The following ITGA11 variants were observed in gnomAD, a reference collection of about 807,000 sequenced individuals.
ITGA11 encodes the protein integrin subunit alpha 11.
In ITGA11, 97 loss-of-function variants were observed where a neutral mutation model predicts 141.9. The ratio of observed to expected loss-of-function variants is 0.68; its 90% CI spans 0.58 to 0.81. ITGA11 has a LOEUF of 0.81. Ranked by LOEUF, ITGA11 falls within the 30% of genes least tolerant of loss-of-function variation. The probability of loss-of-function intolerance (pLI) is 0.00; values close to 1 mark genes in which losing one functional copy is unlikely to be tolerated. For missense variants in ITGA11, 1,387 were observed against 1,559.2 expected, an observed-to-expected ratio of 0.89 and a Z score of 1.86; for synonymous variants, 658 against 624.6, an observed-to-expected ratio of 1.05 and a Z score of -0.80.
chr15:68,406,777 A>G (rs1260707500), intron 1 of ITGA11, among the ~76,000 whole-genome samples: 2 of 152,202 alleles, frequency 1.3e-5, no homozygotes, highest in Non-Finnish European at 2.9e-5. Context: ...TGTCTGGGAC[A>G]GTCTCTCCCC....
rs1259269910 is a variant in ITGA11, at chr15:68,428,891, T to C, written c.52+3124A>G. On this transcript the variant is annotated intron_variant, in intron 1 of 29. Transcript: ENST00000315757. Reference sequence around the variant, plus strand: ...ACAAAACAACAACCCTGAGTTCTTATTATGATCAAGAGTTTGGGCCAGGGC... The same window carrying C: ...ACAAAACAACAACCCTGAGTTCTTACTATGATCAAGAGTTTGGGCCAGGGC... 2.0e-5 allele frequency among the ~76,000 whole-genome samples: 3 copies of C among 152,206 alleles called. No individual in the cohort carries two copies. In the East Asian group the frequency reaches 5.8e-4, roughly 29 times the overall value.
chr15:68,411,730 C>T (rs1896775212), intron 1 of ITGA11, among the ~76,000 whole-genome samples: 2 of 152,178 alleles, frequency 1.3e-5, no homozygotes, highest in African/African-American at 2.4e-5. Flanking sequence ...ATTCCTGCCT[C>T]TAAAAGAGGA....
chr15:68,337,627 A>AC (rs1376754195), intron 11 of ITGA11, among the ~76,000 whole-genome samples: 1 of 152,008 alleles, frequency 6.6e-6, no homozygotes, highest in African/African-American at 2.4e-5. Context: ...GCCAAGCTCT[A>AC]CCCTATCAGG....
At chr15:68,309,068 C>G (rs1003505083) in intron 26 of ITGA11, among the ~76,000 whole-genome samples, 2 of 152,248 alleles carry the variant, frequency 1.3e-5, no homozygotes, top group African/African-American at 2.4e-5. Flanking sequence ...CAAGTGACAT[C>G]AAGATCCTGA....
At chr15:68,419,231 T>G (rs1390738592) in intron 1 of ITGA11, among the ~76,000 whole-genome samples, 1 of 152,052 alleles carries the variant, frequency 6.6e-6, no homozygotes, top group East Asian at 1.9e-4. Context: ...GTCTTTTTGG[T>G]TTTCAGTACA....
At chr15:68,313,695 C>G (rs1893470391) in intron 23 of ITGA11, 84 bp downstream of exon 23, 3 of 1,004,210 alleles carry the variant, frequency 3.0e-6, no homozygotes, top group Non-Finnish European at 4.6e-6. Context: ...CTATTAGGGC[C>G]CATCAGAGGA....
At chr15:68,372,577 A>C (rs997413775) in intron 2 of ITGA11, among the ~76,000 whole-genome samples, 1 of 152,214 alleles carries the variant, frequency 6.6e-6, no homozygotes, top group Non-Finnish European at 1.5e-5. Flanking sequence ...GGCAACAGAC[A>C]TTCCAGCCAC....
At chr15:68,346,017 C>T (rs1224878029) in intron 10 of ITGA11, among the ~76,000 whole-genome samples, 3 of 152,072 alleles carry the variant, frequency 2.0e-5, no homozygotes, top group Non-Finnish European at 4.4e-5. Flanking sequence ...GATTCAAATG[C>T]GATCGTTGTC....
chr15:68,431,139 G>T (rs58748900), intron 1 of ITGA11, among the ~76,000 whole-genome samples: 2,300 of 152,352 alleles, frequency 0.015, 56 homozygotes, highest in African/African-American at 0.051. Context: ...GAGCCGGGGA[G>T]CCCGGTGTGG....
chr15:68,329,607 G>A (rs1049586455), intron 15 of ITGA11, among the ~76,000 whole-genome samples: 1 of 152,208 alleles, frequency 6.6e-6, no homozygotes, highest in African/African-American at 2.4e-5. Flanking sequence ...CTTGCTTCCT[G>A]TAGAGAAGTT....
At chr15:68,403,256 A>G (rs757111216) in intron 1 of ITGA11, among the ~76,000 whole-genome samples, 3 of 151,898 alleles carry the variant, frequency 2.0e-5, no homozygotes, top group Non-Finnish European at 4.4e-5. Flanking sequence ...GTCCTGGGGG[A>G]GCCTGATATG....
intron 10 of ITGA11, among the ~76,000 whole-genome samples, chr15:68,342,435 TCAGAAGGTCTGAG>T (rs1894600006): frequency 6.6e-6 from 1 of 152,158 alleles, no homozygotes; most frequent in South Asian, 2.1e-4. Context: ...TTGGCAGCTG[TCAGAAGGTCTGAG>T]GCCACGCTGT....
chr15:68,389,220 C>T (rs1320497121), intron 2 of ITGA11, among the ~76,000 whole-genome samples: 1 of 152,246 alleles, frequency 6.6e-6, no homozygotes, highest in East Asian at 1.9e-4. Context: ...CTCTCTCTCC[C>T]ATGAACACCT....
At chr15:68,417,651 C>T (rs190344801) in intron 1 of ITGA11, among the ~76,000 whole-genome samples, 14 of 152,258 alleles carry the variant, frequency 9.2e-5, no homozygotes, top group South Asian at 2.1e-4. Context: ...CCAGGCCCTG[C>T]GGATTTGCTT....
intron 2 of ITGA11, among the ~76,000 whole-genome samples, chr15:68,397,257 A>T (rs1303066048): frequency 0.5 from 5 of 10 alleles, 2 homozygotes; most frequent in African/African-American, 0.67. Context: ...TATTTTATAA[A>T]ATATTATAAA....
rs547363755 is a variant in ITGA11 at position 68,308,212 on chromosome 15, G to C, written c.3175-516C>G. On this transcript the variant is annotated intron_variant, in intron 26 of 29. Transcript: ENST00000315757. The surrounding 1 kb of genome is among the most constrained non-coding windows in gnomAD (Gnocchi z 5.2). The stretch of plus-strand genomic sequence containing the variant: ...CCCCAAAATAAACTCGTATTAACTT[G>C]TTGTAACCTATGTGAACAGGATCTA... Among the ~76,000 whole-genome samples, 2 of 152,244 alleles carry C rather than the reference G, an allele frequency of 1.3e-5. No individual in the cohort carries two copies. Among genetic ancestry groups the C allele is most frequent in the South Asian group, 4.2e-4 (2 of 4,818 alleles).
chr15:68,328,153 C>A lies in ITGA11; in HGVS notation c.2011G>T (p.Ala671Ser). Residue 671 changes from alanine to serine, a missense_variant, in exon 16 of 30, where the codon GCC becomes TCC. Coordinates refer to ENST00000315757, the MANE Select transcript of ITGA11 (RefSeq NM_001004439.2). The surrounding 1 kb of genome is among the most constrained non-coding windows in gnomAD (Gnocchi z 4.8). The stretch of plus-strand genomic sequence containing the variant: ...AAGATGGGCGTGAAGCAGAGGAAGG[C>A]GGCCAGGCAGGTGGCATCCCTGCCA... ...RSGRDATCLAAFLCFTPIFLA... is the reference protein window; with the variant it reads ...RSGRDATCLASFLCFTPIFLA... 1 of 1,613,720 alleles carries A rather than the reference C, an allele frequency of 6.2e-7. No homozygotes were observed. Among genetic ancestry groups the A allele is most frequent in the Non-Finnish European group, 8.5e-7 (1 of 1,179,870 alleles).
At position 68,313,769 on chromosome 15, in the gene ITGA11, C is replaced by A. The variant is rs1354971175; in HGVS notation, c.2882+10G>T. 1.9e-6 allele frequency: 3 copies of A among 1,612,474 alleles called. No homozygotes were observed. Among genetic ancestry groups the A allele is most frequent in the Admixed American group, 3.3e-5 (2 of 59,936 alleles). On this transcript the variant is annotated intron_variant, in intron 23 of 29. Transcript: ENST00000315757. Reference sequence around the variant, plus strand: ...CTTCCCTCTCCTGGGGCCCCCGGAGCCCGGCCCACCTGGTGAAGAGGACGT... The same window carrying A: ...CTTCCCTCTCCTGGGGCCCCCGGAGACCGGCCCACCTGGTGAAGAGGACGT...
At chr15:68,414,180 G>T (rs1219639756) in intron 1 of ITGA11, among the ~76,000 whole-genome samples, 1 of 152,206 alleles carries the variant, frequency 6.6e-6, no homozygotes, top group East Asian at 1.9e-4. Flanking sequence ...CAACATGGCT[G>T]CCATCAGACC....
Sources: gnomAD v4.1 joint callset for allele counts (sites outside exome capture counted in the v4.1 genomes callset) on GRCh38, gnomAD v4.1.1 for gene constraint, Gnocchi (gnomAD v3.1) non-coding constraint, MANE v1.5 for transcripts, NCBI Gene and HGNC (gene_info 2026-07-23, HGNC 2026-07-21) for gene names.